Variants in NBPF8 observed in about 807,000 individuals in gnomAD.
NBPF8 encodes the protein NBPF family member NBPF8.
At chr1:120,449,451 C>T (rs200577903) in intron 11 of NBPF8, 49 bp downstream of exon 9, 2 of 1,417,242 alleles carry the variant, frequency 1.4e-6, no homozygotes, top group Non-Finnish European at 2.0e-6. Context: ...GATATCCTGT[C>T]TTCTCTCTGA....
upstream of NBPF8, among the ~76,000 whole-genome samples, chr1:120,419,601 A>C (rs1312663487): frequency 2.6e-5 from 4 of 152,150 alleles, no homozygotes; most frequent in South Asian, 8.3e-4. Flanking sequence ...TGAGACTACA[A>C]GTGTGTGCCA....
At chr1:120,453,675 C>A (rs1661349904) in intron 14 of NBPF8, among the ~76,000 whole-genome samples, 1 of 151,168 alleles carries the variant, frequency 6.6e-6, no homozygotes, top group African/African-American at 2.4e-5. Flanking sequence ...TCCTCCTCAG[C>A]TCCTATCTGT....
At chr1:120,456,353 T>G (rs1661436007) in intron 16 of NBPF8, among the ~76,000 whole-genome samples, 1 of 149,968 alleles carries the variant, frequency 6.7e-6, no homozygotes, top group African/African-American at 2.5e-5. Context: ...CTGTCTAATA[T>G]TGACACTGGG....
At chr1:120,451,054 C>T in intron 11 of NBPF8, 126 bp from the exon 10 acceptor site, 1 of 447,068 alleles carries the variant, frequency 2.2e-6, no homozygotes, top group South Asian at 2.1e-5. Context: ...TGTGGAAATC[C>T]CTGTCTAGAC....
At chr1:120,466,469 T>A in exon 25 of NBPF8, 1 of 431,708 alleles carries the variant, frequency 2.3e-6, no homozygotes, top group Non-Finnish European at 4.2e-6. Context: ...GTCGGACATT[T>A]TAATTTGAAC....
exon 13 of NBPF8, chr1:120,452,193 G>T: frequency 7.2e-7 from 1 of 1,387,442 alleles, no homozygotes; most frequent in South Asian, 1.1e-5. Flanking sequence ...AGGGAGAGAT[G>T]CCTCCCTCTC....
intron 22 of NBPF8, among the ~76,000 whole-genome samples, chr1:120,464,161 G>GTA: frequency 9.0e-6 from 1 of 111,484 alleles, no homozygotes; most frequent in Non-Finnish European, 1.7e-5. Flanking sequence ...GTGTGTGTGT[G>GTA]TGTGTGTGTG....
upstream of NBPF8, among the ~76,000 whole-genome samples, chr1:120,435,581 C>A (rs1277435658): frequency 2.1e-5 from 3 of 145,166 alleles, no homozygotes; most frequent in African/African-American, 7.9e-5. Flanking sequence ...CGGTGGCTCA[C>A]GCCTGTAATC....
upstream of NBPF8, among the ~76,000 whole-genome samples, chr1:120,415,393 G>A (rs1660403310): frequency 6.6e-6 from 1 of 151,982 alleles, no homozygotes; most frequent in African/African-American, 2.4e-5. Context: ...GGCGGGGTGG[G>A]GGGTTGGGAG....
intron 1 of NBPF8, among the ~76,000 whole-genome samples, chr1:120,421,490 G>GCCTTCCTCCCTCCCTCCCTT (rs1660575900): frequency 8.2e-6 from 1 of 121,916 alleles, no homozygotes; most frequent in Non-Finnish European, 1.7e-5. Context: ...CTCTCTCCCT[G>GCCTTCCTCCCTCCCTCCCTT]CCTTCCTCCC....
Position 120,454,134 on chromosome 1 carries a change from T to C in NBPF8, n.2568+20T>C, listed in dbSNP as rs1661366361. ...TTCCAGGTAGCCTCTGTTTTCCTTG[T>C]GTCTCATACCTCTCTCTAGGCTGAG... On this transcript the variant is annotated intron_variant and non_coding_transcript_variant, in intron 15 of 24. Coordinates refer to ENST00000583271, the Ensembl canonical transcript of NBPF8. 1.2e-6 allele frequency: 2 copies of C among 1,610,962 alleles called. No individual in the cohort carries two copies. The highest frequency in any genetic ancestry group is 2.7e-5 in the African/African-American group (2 of 74,852).
intron 15 of NBPF8, among the ~76,000 whole-genome samples, chr1:120,454,423 A>C (rs200799134): frequency 1.3e-5 from 2 of 151,516 alleles, no homozygotes; most frequent in East Asian, 4.0e-4. Context: ...TGATTAAGTC[A>C]TCTGTCCCTG....
At chr1:120,466,120 C>A (rs1661741476) in exon 25 of NBPF8, 3 of 1,610,750 alleles carry the variant, frequency 1.9e-6, no homozygotes. Flanking sequence ...ATTTGAGGAA[C>A]AGCACATCAG....
At chr1:120,459,696 A>T (rs1661520612) in intron 17 of NBPF8, among the ~76,000 whole-genome samples, 166 bp downstream of exon 15, 1 of 151,856 alleles carries the variant, frequency 6.6e-6, no homozygotes, top group Non-Finnish European at 1.5e-5. Flanking sequence ...TCTGAAGCAC[A>T]GGCATGGGGT....
intron 15 of NBPF8, among the ~76,000 whole-genome samples, chr1:120,454,455 A>G: frequency 1.3e-5 from 2 of 152,128 alleles, no homozygotes; most frequent in South Asian, 4.1e-4. Flanking sequence ...TGGAGTTTCT[A>G]TGCCTGTTTA....
intron 16 of NBPF8, among the ~76,000 whole-genome samples, chr1:120,457,793 G>GA (rs1162583698): frequency 0.13 from 4,399 of 34,528 alleles, 112 homozygotes; most frequent in East Asian, 0.24. Flanking sequence ...TATACATATG[G>GA]AAAAAAAAAA....
chr1:120,449,457 T>A (rs1411374753), intron 11 of NBPF8, 55 bp downstream of exon 9: 1 of 1,283,998 alleles, frequency 7.8e-7, no homozygotes, highest in Middle Eastern at 2.6e-4. Flanking sequence ...CTGTCTTCTC[T>A]CTGAGACACT....
At chr1:120,455,306 C>T in intron 15 of NBPF8, 103 bp from the exon 14 acceptor site, 1 of 676,336 alleles carries the variant, frequency 1.5e-6, no homozygotes, top group Admixed American at 2.4e-5. Flanking sequence ...CTTATTCTTG[C>T]ACTGAGAATA....
chr1:120,466,146 G>A, exon 25 of NBPF8: 2 of 1,610,262 alleles, frequency 1.2e-6, no homozygotes, highest in Non-Finnish European at 1.7e-6. Flanking sequence ...CCCTTGACAT[G>A]GACAATAGGT....
Sources: gnomAD v4.1 joint callset for allele counts (sites outside exome capture counted in the v4.1 genomes callset) on GRCh38, gnomAD v4.1.1 for gene constraint, MANE v1.5 for transcripts, NCBI Gene and HGNC (gene_info 2026-07-23, HGNC 2026-07-21) for gene names.